Variants in CUX1 observed in about 807,000 individuals in gnomAD.
The protein encoded by CUX1 is protein CASP.
Under a neutral mutation model 158.8 loss-of-function variants are expected in CUX1, and 31 were observed. The observed-to-expected ratio is 0.20, with a 90% CI of 0.15 to 0.26. The LOEUF (loss-of-function observed/expected upper bound fraction) is 0.26. CUX1 is among the 10% of genes least tolerant of loss of function. CUX1 has a pLI of 1.00. For missense variants in CUX1, 1,589 were observed against 2,014.6 expected (o/e 0.79, Z 4.04); for synonymous variants, 879 against 862.1 (o/e 1.02, Z -0.34).
intron 6 of CUX1, among the ~76,000 whole-genome samples, chr7:102,108,936 G>T (rs2083930290): frequency 6.6e-6 from 1 of 152,044 alleles, no homozygotes; most frequent in South Asian, 2.1e-4. Flanking sequence ...TATATTTTTA[G>T]TAGAACAGGA....
chr7:102,062,980 C>T (rs949697551), intron 3 of CUX1, among the ~76,000 whole-genome samples: 1 of 152,154 alleles, frequency 6.6e-6, no homozygotes, highest in Non-Finnish European at 1.5e-5. Context: ...TGGCAGGCAC[C>T]TGTAATCCCA....
intron 2 of CUX1, among the ~76,000 whole-genome samples, chr7:101,955,922 G>A (rs906863192): frequency 1.1e-4 from 10 of 90,760 alleles, no homozygotes; most frequent in Non-Finnish European, 2.2e-4. Context: ...TGTGGCTCAC[G>A]CCTGTAATCC....
At chr7:102,157,122 G>T (rs1344340977) in intron 8 of CUX1, among the ~76,000 whole-genome samples, 1 of 152,202 alleles carries the variant, frequency 6.6e-6, no homozygotes, top group Non-Finnish European at 1.5e-5. Context: ...TTAGAGCACA[G>T]GGTCCTGAGA....
intron 6 of CUX1, among the ~76,000 whole-genome samples, chr7:102,105,249 GCA>G (rs1830216739): frequency 2.0e-5 from 3 of 150,322 alleles, no homozygotes; most frequent in East Asian, 1.9e-4. Context: ...ACACACACGC[GCA>G]CACACACAAT....
At chr7:101,981,155 C>A (rs773069501) in intron 2 of CUX1, among the ~76,000 whole-genome samples, 17 of 152,068 alleles carry the variant, frequency 1.1e-4, no homozygotes, top group Non-Finnish European at 2.1e-4. Flanking sequence ...GAATACCCCC[C>A]GTTTTGTGAA....
chr7:101,949,545 C>A (rs1316661331), intron 2 of CUX1, among the ~76,000 whole-genome samples: 1 of 82,270 alleles, frequency 1.2e-5, no homozygotes, highest in African/African-American at 4.7e-5. Flanking sequence ...CTTTTTTTTT[C>A]TTTGAGACAG....
chr7:102,064,403 G>A (rs973219267), intron 3 of CUX1, among the ~76,000 whole-genome samples: 1 of 152,206 alleles, frequency 6.6e-6, no homozygotes, highest in Non-Finnish European at 1.5e-5. Context: ...AGGCAGGCAC[G>A]AGGTAGCTGG....
intron 1 of CUX1, among the ~76,000 whole-genome samples, chr7:101,893,158 C>CTTTTTTTTTTTTTTTTTTTTTTTTTT (rs10589615): frequency 1.5e-5 from 1 of 64,930 alleles, no homozygotes; most frequent in Non-Finnish European, 2.7e-5. Context: ...ATTTTTATTA[C>CTTTTTTTTTTTTTTTTTTTTTTTTTT]TTTTTTTTTT....
At chr7:102,180,628 A>G (rs1792931437) in intron 11 of CUX1, among the ~76,000 whole-genome samples, 1 of 138,372 alleles carries the variant, frequency 7.2e-6, no homozygotes. Flanking sequence ...CACCTGGCCC[A>G]ATGTCTTTTT....
At chr7:102,028,857 T>C (rs1433931824) in intron 3 of CUX1, among the ~76,000 whole-genome samples, 1 of 152,126 alleles carries the variant, frequency 6.6e-6, no homozygotes, top group African/African-American at 2.4e-5. Flanking sequence ...TTCTTGCGGA[T>C]TTATTGAATC....
intron 8 of CUX1, among the ~76,000 whole-genome samples, chr7:102,157,387 C>A (rs1789891731): frequency 6.6e-6 from 1 of 152,078 alleles, no homozygotes; most frequent in South Asian, 2.1e-4. Flanking sequence ...TAACAGAGAC[C>A]ATCCTCAGGA....
chr7:102,185,667 A>G (rs367946008), intron 11 of CUX1, among the ~76,000 whole-genome samples: 7 of 146,666 alleles, frequency 4.8e-5, no homozygotes, highest in African/African-American at 7.6e-5. Context: ...TTGAACTCCT[A>G]TGCTCAAGCG....
chr7:102,229,196 CT>C (rs1226012199), intron 21 of CUX1, among the ~76,000 whole-genome samples: 8 of 152,160 alleles, frequency 5.3e-5, no homozygotes, highest in Non-Finnish European at 7.3e-5. Context: ...TGGCCTCGGC[CT>C]GGCACATGCT....
chr7:102,173,877 C>T lies in CUX1; in HGVS notation c.828+3327C>T, dbSNP rs564811081. Among the ~76,000 whole-genome samples, 42 of 152,238 alleles carry T rather than the reference C, an allele frequency of 2.8e-4. No individual in the cohort carries two copies. The East Asian group carries it at 7.9e-3, about 29-fold the overall frequency. Reference sequence around the variant, plus strand: ...CCGCGGGCGTGTATTCCCACATAGCCAGTGGGTTCCAGCTGCAGCCAGTTG... The same window carrying T: ...CCGCGGGCGTGTATTCCCACATAGCTAGTGGGTTCCAGCTGCAGCCAGTTG... On this transcript the variant is annotated intron_variant, in intron 10 of 23. Transcript: ENST00000292535.
At chr7:101,834,983 G>A (rs1348223379) in intron 1 of CUX1, among the ~76,000 whole-genome samples, 4 of 148,198 alleles carry the variant, frequency 2.7e-5, no homozygotes, top group Admixed American at 1.4e-4. Context: ...GTGACAGAGC[G>A]AGACTCTGTG....
chr7:102,196,041 C>T (rs1471092633), intron 14 of CUX1, among the ~76,000 whole-genome samples: 1 of 152,204 alleles, frequency 6.6e-6, no homozygotes, highest in East Asian at 1.9e-4. Context: ...CCCCTGGGGA[C>T]GCGTCCCCCA....
At chr7:101,825,753 C>CTGTGTGTG (rs537662700) in intron 1 of CUX1, among the ~76,000 whole-genome samples, 2,920 of 129,270 alleles carry the variant, frequency 0.023, 34 homozygotes, top group East Asian at 0.043. Context: ...TTAATGAAAT[C>CTGTGTGTG]TGTGTGTGTG....
At chr7:102,132,345 T>C (rs1833384122) in intron 8 of CUX1, among the ~76,000 whole-genome samples, 1 of 151,800 alleles carries the variant, frequency 6.6e-6, no homozygotes, top group East Asian at 1.9e-4. Context: ...CACACGCATC[T>C]TTACAGAACA....
intron 11 of CUX1, among the ~76,000 whole-genome samples, chr7:102,188,410 G>A (rs782162462): frequency 1.3e-5 from 2 of 152,022 alleles, no homozygotes; most frequent in Admixed American, 6.6e-5. Flanking sequence ...AAGATCAAAA[G>A]CAAACTAGTC....
Sources: allele counts gnomAD v4.1 joint callset (sites outside exome capture counted in the v4.1 genomes callset), GRCh38; gene constraint gnomAD v4.1.1; transcripts MANE v1.5; gene names NCBI Gene and HGNC (gene_info 2026-07-23, HGNC 2026-07-21).